The following PARP1 variants were observed in gnomAD, a reference collection of about 807,000 sequenced individuals.
PARP1 encodes the protein poly(ADP-ribose) polymerase 1.
In PARP1, 44 loss-of-function variants were observed where a neutral mutation model predicts 118.7. The ratio of observed to expected loss-of-function variants is 0.37; its 90% CI spans 0.29 to 0.48. PARP1 has a LOEUF of 0.48. PARP1 is among the 20% of genes least tolerant of loss of function. PARP1 has a pLI of 0.99. For missense variants in PARP1, 1,100 were observed against 1,272.4 expected (o/e 0.86, Z 2.06); for synonymous variants, 492 against 483.2 (o/e 1.02, Z -0.24).
intron 21 of PARP1, among the ~76,000 whole-genome samples, chr1:226,362,550 G>T (rs1664165487): frequency 6.6e-6 from 1 of 152,142 alleles, no homozygotes; most frequent in Admixed American, 6.5e-5. Flanking sequence ...TGAGAACAGT[G>T]GCAGTACCCT....
At position 226,386,387 on chromosome 1, in the gene PARP1, G is replaced by A; in HGVS notation, c.773C>T (p.Thr258Ile). ...GATGAGTAGCTCCTTCAGGTCATTAGTTGAACACACTTTCTTTAGCTCGTC... is the reference window on the plus strand; with the variant it reads ...GATGAGTAGCTCCTTCAGGTCATTAATTGAACACACTTTCTTTAGCTCGTC... ...IKDELKKVCS[T>I]NDLKELLIFN... The change falls in exon 6 of 23, where the codon ACT (threonine) becomes ATT (isoleucine). Residue 258 changes from threonine to isoleucine, a missense_variant. This residue lies in a region of PARP1 where 948 missense variants were observed against 1,031.8 expected (regional missense o/e 0.92). Transcript: ENST00000366794. 6.2e-7 allele frequency: 1 copy of A among 1,614,104 alleles called. No individual in the cohort carries two copies. The highest frequency in any genetic ancestry group is 8.5e-7 in the Non-Finnish European group (1 of 1,179,938).
At chr1:226,379,425 TG>T (rs1664559765) in intron 11 of PARP1, 147 bp downstream of exon 11, 2 of 1,190,656 alleles carry the variant, frequency 1.7e-6, no homozygotes, top group Non-Finnish European at 2.5e-6. Context: ...TTCTCAGGAC[TG>T]GGGGAGCTGG....
intron 13 of PARP1, among the ~76,000 whole-genome samples, chr1:226,376,821 G>T (rs1483055842): frequency 3.3e-5 from 5 of 152,148 alleles, no homozygotes; most frequent in Admixed American, 6.5e-5. Flanking sequence ...TTAGGATTTT[G>T]TATCTCTATT....
intron 14 of PARP1, 43 bp downstream of exon 14, chr1:226,374,183 T>G (rs760173006): frequency 6.2e-7 from 1 of 1,610,548 alleles, no homozygotes; most frequent in Non-Finnish European, 8.5e-7. Flanking sequence ...CAAATAATCA[T>G]CCACAGCAAA....
At chr1:226,400,714 T>C (rs1220228534) in intron 2 of PARP1, among the ~76,000 whole-genome samples, 2 of 152,308 alleles carry the variant, frequency 1.3e-5, no homozygotes, top group Admixed American at 6.5e-5. Context: ...CAGCTCTGGC[T>C]GCAGGGCGTG....
intron 17 of PARP1, chr1:226,367,142 G>A (rs1664286735): frequency 2.7e-6 from 1 of 366,138 alleles, no homozygotes; most frequent in African/African-American, 2.1e-5. Context: ...TAGAAAAACA[G>A]AGCTCCTCTC....
chr1:226,370,819 T>C (rs1664369025), intron 14 of PARP1: 1 of 416,126 alleles, frequency 2.4e-6, no homozygotes, highest in African/African-American at 2.0e-5. Context: ...TATAGCATAA[T>C]TCCCATCCAA....
chr1:226,390,118 G>A (rs1292004239), intron 4 of PARP1, among the ~76,000 whole-genome samples: 1 of 152,148 alleles, frequency 6.6e-6, no homozygotes, highest in East Asian at 1.9e-4. Flanking sequence ...GTGGGAAAGT[G>A]TAGTTAGCCT....
At chr1:226,363,223 G>C (rs747657) in intron 20 of PARP1, 63 bp from the exon 21 acceptor site, 666,377 of 1,072,544 alleles carry the variant, frequency 0.62, 214,043 homozygotes, top group Non-Finnish European at 0.67. Context: ...CCAACAGTTT[G>C]ATTAGGAGAA....
chr1:226,403,257 C>A (rs954989396), intron 1 of PARP1, among the ~76,000 whole-genome samples: 26 of 152,238 alleles, frequency 1.7e-4, no homozygotes, highest in Admixed American at 1.7e-3. Flanking sequence ...CAGCTCACTG[C>A]AACCTCTGTC....
intron 21 of PARP1, 121 bp from the exon 22 acceptor site, chr1:226,362,204 T>G: frequency 3.0e-6 from 2 of 676,438 alleles, no homozygotes; most frequent in South Asian, 1.6e-5. Flanking sequence ...TTTTTCCTTT[T>G]TGAGATGGAG....
chr1:226,370,725 C>T, intron 14 of PARP1: 1 of 625,522 alleles, frequency 1.6e-6, no homozygotes. Context: ...TTCTTGCTCA[C>T]TTCCTTTACG....
intron 15 of PARP1, among the ~76,000 whole-genome samples, chr1:226,370,177 T>C (rs3219110): frequency 0.39 from 58,994 of 151,812 alleles, 11,927 homozygotes; most frequent in Non-Finnish European, 0.44. Flanking sequence ...GTAACCAACG[T>C]CTTCAAGTTT....
At chr1:226,374,891 C>T (rs891991624) in intron 13 of PARP1, among the ~76,000 whole-genome samples, 14 of 152,196 alleles carry the variant, frequency 9.2e-5, no homozygotes, top group African/African-American at 3.4e-4. Flanking sequence ...TAAAGCACAT[C>T]GTAGCATTAG....
chr1:226,379,063 C>T lies in PARP1; in HGVS notation c.1745+79G>A, dbSNP rs954487919. The T allele has an allele frequency of 1.7e-5, 27 of 1,579,684 alleles. No homozygotes were observed. The African/African-American group carries it at 3.5e-4, about 20-fold the overall frequency. ...CAGGCACTGGGCCTAACGGGTTTCA[C>T]AAGGCTGATGGCACAGCACTAACCA... On this transcript the variant is annotated intron_variant, in intron 12 of 22. Coordinates refer to ENST00000366794, the MANE Select transcript of PARP1 (RefSeq NM_001618.4).
At chr1:226,386,481 T>C in intron 5 of PARP1, 39 bp from the exon 6 acceptor site, 1 of 1,313,518 alleles carries the variant, frequency 7.6e-7, no homozygotes. Context: ...CTAGCTCTTT[T>C]CAAAGGAAGA....
At chr1:226,365,430 C>G (rs1664238487) in intron 18 of PARP1, among the ~76,000 whole-genome samples, 1 of 152,182 alleles carries the variant, frequency 6.6e-6, no homozygotes, top group South Asian at 2.1e-4. Context: ...TGTTCTGAGA[C>G]CAGGTTTGGG....
intron 4 of PARP1, 72 bp downstream of exon 4, chr1:226,390,338 C>G: frequency 7.7e-7 from 1 of 1,301,922 alleles, no homozygotes; most frequent in South Asian, 1.2e-5. Context: ...TGGTATGGAA[C>G]CTGTAGGGCC....
At position 226,379,908 on chromosome 1, in the gene PARP1, C is replaced by A; in HGVS notation, c.1543+14G>T. 6.2e-7 allele frequency: 1 copy of A among 1,613,108 alleles called. No homozygotes were observed. Among genetic ancestry groups the A allele is most frequent in the East Asian group, 2.2e-5 (1 of 44,886 alleles). ...TGGCTTTTGGCCCTGGAGGGGGCAG[C>A]TTGGGGCCCTCACCTTCCTCCTTGA... On this transcript the variant is annotated intron_variant, in intron 10 of 22. Transcript: ENST00000366794.
Sources: gnomAD v4.1 joint callset for allele counts (sites outside exome capture counted in the v4.1 genomes callset) on GRCh38, gnomAD v4.1.1 for gene constraint, gnomAD v4.1.1 regional missense constraint, MANE v1.5 for transcripts, NCBI Gene and HGNC (gene_info 2026-07-23, HGNC 2026-07-21) for gene names.